Variants in SLC18A1 observed in about 807,000 individuals in gnomAD.
SLC18A1 encodes the protein chromaffin granule amine transporter.
In SLC18A1, 69 loss-of-function variants were observed where a neutral mutation model predicts 53.7. The ratio of observed to expected loss-of-function variants is 1.28; its 90% confidence interval spans 1.06 to 1.57. The LOEUF (loss-of-function observed/expected upper bound fraction) is 1.57, where lower values mean the gene tolerates loss of function less well. Ranked by LOEUF, SLC18A1 falls within the 40% of genes most tolerant of loss-of-function variation. The pLI is 0.00. For synonymous variants in SLC18A1, 320 were observed against 248.1 expected, an observed-to-expected ratio of 1.29 and a Z score of -2.72; for missense variants, 932 against 668.1, an observed-to-expected ratio of 1.40 and a Z score of -4.35.
At chr8:20,168,512 T>A (rs6986634) in intron 8 of SLC18A1, among the ~76,000 whole-genome samples, 9,977 of 152,132 alleles carry the variant, frequency 0.066, 903 homozygotes, top group East Asian at 0.24. Context: ...TATACCTATT[T>A]GGTATAAATA....
chr8:20,152,085 T>G lies in SLC18A1; in HGVS notation c.1016-1341A>C, dbSNP rs114698768. ...GGAAGGCTTCTTTGGGGAAGTGACA[T>G]TCAAACTGAGACCTTAATAACCAAA... On this transcript the variant is annotated intron_variant, in intron 10 of 15. Transcript: ENST00000276373. Among the ~76,000 whole-genome samples the G allele has an allele frequency of 3.8e-3, 585 of 152,256 alleles. 4 individuals carry two copies. Among genetic ancestry groups the G allele is most frequent in the African/African-American group, 0.014 (561 of 41,508 alleles).
chr8:20,165,277 C>T (rs1056641381), intron 8 of SLC18A1, among the ~76,000 whole-genome samples, 170 bp from the exon 9 acceptor site: 2 of 152,122 alleles, frequency 1.3e-5, no homozygotes, highest in African/African-American at 4.8e-5. Context: ...TGTCTGATGC[C>T]ACAGAGGAAG....
intron 10 of SLC18A1, among the ~76,000 whole-genome samples, chr8:20,153,188 T>C (rs1027259068): frequency 6.6e-6 from 1 of 151,962 alleles, no homozygotes; most frequent in African/African-American, 2.4e-5. Context: ...TGGCCATAAA[T>C]ATAAGGTGAG....
At chr8:20,173,708 TC>T (rs984745644) in intron 5 of SLC18A1, among the ~76,000 whole-genome samples, 4 of 152,144 alleles carry the variant, frequency 2.6e-5, no homozygotes, top group African/African-American at 9.7e-5. Context: ...ACATGATTAT[TC>T]CTATAAAGTA....
intron 6 of SLC18A1, 27 bp downstream of exon 6, chr8:20,173,009 C>T: frequency 6.8e-7 from 1 of 1,465,982 alleles, no homozygotes; most frequent in Non-Finnish European, 9.4e-7. Context: ...CCCTCCCGAA[C>T]CCAGAGCTCC....
chr8:20,145,147 T>G lies in SLC18A1; in HGVS notation c.*616A>C, dbSNP rs918960567. On this transcript the variant is annotated 3_prime_UTR_variant, in exon 16 of 16. Transcript: ENST00000276373. ...AAAGATAATGAAAATAGAAGACACTTTTCACTGAGGGTAAAGCCCTTTTAG... is the reference window on the plus strand; with the variant it reads ...AAAGATAATGAAAATAGAAGACACTGTTCACTGAGGGTAAAGCCCTTTTAG... The G allele has an allele frequency of 6.6e-6, 1 of 151,846 alleles. No homozygotes were observed. Among genetic ancestry groups the G allele is most frequent in the Non-Finnish European group, 1.5e-5 (1 of 67,970 alleles). 9.4% of individuals were successfully genotyped at this position (151,846 alleles called of 1,614,324 possible).
chr8:20,158,940 C>G (rs562201859), intron 10 of SLC18A1, among the ~76,000 whole-genome samples: 1 of 152,104 alleles, frequency 6.6e-6, no homozygotes, highest in Non-Finnish European at 1.5e-5. Context: ...TCACTAGGCT[C>G]GATGGAACCT....
chr8:20,155,078 A>T (rs1024545603), intron 10 of SLC18A1, among the ~76,000 whole-genome samples: 1 of 151,958 alleles, frequency 6.6e-6, no homozygotes, highest in Non-Finnish European at 1.5e-5. Flanking sequence ...GAGCTATAAC[A>T]CTCACCACAT....
chr8:20,171,387 G>T lies in SLC18A1; in HGVS notation c.814+18C>A, dbSNP rs17215752. ...TGACCTGGGCTGTCACCTGCTGGAGGCTCTGATGGTGACTTACCTCCATCC... is the reference window on the plus strand; with the variant it reads ...TGACCTGGGCTGTCACCTGCTGGAGTCTCTGATGGTGACTTACCTCCATCC... On this transcript the variant is annotated intron_variant, in intron 7 of 15. Transcript: ENST00000276373. 66 of 1,601,716 alleles carry T rather than the reference G, an allele frequency of 4.1e-5. 1 individual carries two copies. The South Asian group carries it at 6.5e-4, about 16-fold the overall frequency.
intron 10 of SLC18A1, among the ~76,000 whole-genome samples, chr8:20,151,201 C>T (rs1161800783): frequency 6.7e-6 from 1 of 148,524 alleles, no homozygotes; most frequent in Non-Finnish European, 1.5e-5. Flanking sequence ...GGAGTCTCGT[C>T]ATGTTGCCCA....
chr8:20,170,173 G>C (rs1483305962), intron 8 of SLC18A1, among the ~76,000 whole-genome samples: 1 of 152,180 alleles, frequency 6.6e-6, no homozygotes, highest in East Asian at 1.9e-4. Context: ...AGTCTGTAAA[G>C]AGCAGAGCAT....
rs186822461 is a variant in SLC18A1, at chr8:20,169,843, T to A, written c.858+1260A>T. Reference sequence around the variant, plus strand: ...GCAGTGAGCCGAGATCGCCCCACTGTACTCCAGCCTGGGTGACAGAGCAAG... The same window carrying A: ...GCAGTGAGCCGAGATCGCCCCACTGAACTCCAGCCTGGGTGACAGAGCAAG... On this transcript the variant is annotated intron_variant, in intron 8 of 15. Transcript: ENST00000276373. Among the ~76,000 whole-genome samples, 367 of 152,266 alleles carry A rather than the reference T, an allele frequency of 2.4e-3. 1 individual carries two copies. The highest frequency in any genetic ancestry group is 4.0e-3 in the Non-Finnish European group (275 of 67,978).
chr8:20,149,791 C>T (rs2071502565), intron 11 of SLC18A1, 64 bp from the exon 12 acceptor site: 2 of 1,484,610 alleles, frequency 1.3e-6, no homozygotes, highest in Admixed American at 1.7e-5. Flanking sequence ...TGTACCCCAT[C>T]ACCGCCATGC....
Position 20,145,662 on chromosome 8 carries a change from T to TA in SLC18A1, c.*100dup. ...AGGAAAGAAGATTCCCAGGCAGAGGTATGTGAAGCCCACTGAGCCGTGGGC... is the reference window on the plus strand; with the variant it reads ...AGGAAAGAAGATTCCCAGGCAGAGGTAATGTGAAGCCCACTGAGCCGTGGGC... On this transcript the variant is annotated 3_prime_UTR_variant, in exon 16 of 16. Transcript: ENST00000276373. 1.6e-6 allele frequency: 1 copy of TA among 628,146 alleles called. No individual in the cohort carries two copies. Among genetic ancestry groups the TA allele is most frequent in the Non-Finnish European group, 2.8e-6 (1 of 356,814 alleles). The allele number at this position is 628,146 out of a possible 1,614,324, so 38.9% of individuals were successfully genotyped here.
rs1171603026 is a variant in SLC18A1 at position 20,174,373 on chromosome 8, A to T, written c.619T>A (p.Ser207Thr). 5.0e-6 allele frequency: 8 copies of T among 1,613,640 alleles called. No individual in the cohort carries two copies. Among genetic ancestry groups the T allele is most frequent in the Non-Finnish European group, 6.8e-6 (8 of 1,179,568 alleles). Residue 207 changes from serine (S) to threonine (T), a missense_variant, in exon 5 of 16, where the codon TCA becomes ACA. By Grantham distance (58) the Ser-to-Thr change is moderately conservative. Coordinates refer to ENST00000276373, the MANE Select transcript of SLC18A1 (RefSeq NM_003053.4). The stretch of plus-strand genomic sequence containing the variant: ...TTGCCAGTGTTACCTGCAACAGATG[A>T]AAATGAAGATCCAATGCCTTGAAGG... The part of the protein sequence containing the change: ...RTLQGIGSSF[S>T]SVAGLGMLAS...
At chr8:20,151,768 A>G (rs2071561817) in intron 10 of SLC18A1, among the ~76,000 whole-genome samples, 1 of 152,120 alleles carries the variant, frequency 6.6e-6, no homozygotes. Context: ...ACTTTGGACA[A>G]TTTACTTAAC....
At chr8:20,156,018 C>T (rs2071673170) in intron 10 of SLC18A1, among the ~76,000 whole-genome samples, 1 of 152,244 alleles carries the variant, frequency 6.6e-6, no homozygotes, top group Admixed American at 6.5e-5. Context: ...AATACAATCT[C>T]CAAGCCTCAG....
Position 20,174,344 on chromosome 8 carries a change from T to G in SLC18A1, c.631+17A>C. 3 of 1,581,164 alleles carry G rather than the reference T, an allele frequency of 1.9e-6. No homozygotes were observed. The highest frequency in any genetic ancestry group is 2.6e-6 in the Non-Finnish European group (3 of 1,149,978). ...CATGCCTGCATGTGTGTGTGCATGA[T>G]GAGTTGCCAGTGTTACCTGCAACAG... On this transcript the variant is annotated intron_variant, in intron 5 of 15. Transcript: ENST00000276373.
Position 20,148,179 on chromosome 8 carries a change from A to G in SLC18A1, c.1147-109T>C, listed in dbSNP as rs980954005. 5.5e-6 allele frequency: 5 copies of G among 909,266 alleles called. No homozygotes were observed. In the African/African-American group the frequency reaches 6.5e-5, roughly 12 times the overall value. The allele number at this position is 909,266 out of a possible 1,614,324, so 56.3% of individuals were successfully genotyped here. ...ATTTATTCAGAGTGCACTATTGGCC[A>G]CATACATCATCCTCCTGCACTCTCA... On this transcript the variant is annotated intron_variant, in intron 12 of 15. Transcript: ENST00000276373.
Sources: allele counts gnomAD v4.1 joint callset (sites outside exome capture counted in the v4.1 genomes callset), GRCh38; gene constraint gnomAD v4.1.1; transcripts MANE v1.5; gene names NCBI Gene and HGNC (gene_info 2026-07-23, HGNC 2026-07-21).